Variants in VCL observed in about 807,000 individuals in gnomAD.
The protein encoded by VCL is epididymis luminal protein 114.
VCL carries 47 observed loss-of-function variants against 125.7 expected under a neutral mutation model. The ratio of observed to expected loss-of-function variants is 0.37; its 90% CI spans 0.30 to 0.48. The LOEUF is 0.48. VCL is among the 20% of genes least tolerant of loss of function. The probability of loss-of-function intolerance (pLI) is 0.99; values close to 1 mark genes in which losing one functional copy is unlikely to be tolerated. For missense variants in VCL, 1,069 were observed against 1,455.5 expected (o/e 0.73, Z 4.32); for synonymous variants, 458 against 514.6 (o/e 0.89, Z 1.49).
chr10:74,099,145 C>T (rs945217402), intron 13 of VCL, among the ~76,000 whole-genome samples: 3 of 152,202 alleles, frequency 2.0e-5, no homozygotes, highest in African/African-American at 7.2e-5. Flanking sequence ...AAAAATACAA[C>T]CTGACTCTGA....
intron 2 of VCL, among the ~76,000 whole-genome samples, chr10:74,068,942 T>G (rs1013446830): frequency 7.4e-6 from 1 of 135,006 alleles, no homozygotes; most frequent in South Asian, 2.1e-4. Flanking sequence ...ATATTTAAAA[T>G]AAAATTAAAA....
intron 2 of VCL, among the ~76,000 whole-genome samples, chr10:74,061,903 T>G (rs1841485353): frequency 7.9e-6 from 1 of 126,750 alleles, no homozygotes; most frequent in Non-Finnish European, 1.6e-5. Flanking sequence ...GGGTAACCAA[T>G]CTACTTTTTT....
intron 1 of VCL, among the ~76,000 whole-genome samples, chr10:74,011,904 A>C (rs543414594): frequency 6.6e-6 from 1 of 152,218 alleles, no homozygotes; most frequent in East Asian, 1.9e-4. Flanking sequence ...GTTAAGCTGC[A>C]GAAAATAGAG....
rs780455788 is a variant in VCL at position 74,101,068 on chromosome 10, G to C, written c.1993G>C (p.Val665Leu). 1 of 1,613,760 alleles carries C rather than the reference G, an allele frequency of 6.2e-7. No individual in the cohort carries two copies. The highest frequency in any genetic ancestry group is 1.7e-5 in the Admixed American group (1 of 59,988). ...AACAGTGGAAGGCATTCAGGCCTCAGTGAAGACGGCCCGAGAACTCACACC... is the reference window on the plus strand; with the variant it reads ...AACAGTGGAAGGCATTCAGGCCTCACTGAAGACGGCCCGAGAACTCACACC... The part of the protein sequence containing the change: ...KSTVEGIQAS[V>L]KTARELTPQV... Residue 665 changes from valine to leucine, a missense_variant, in exon 14 of 22, where the codon GTG becomes CTG. Physicochemically the swap from Val to Leu is conservative, Grantham distance 32. Coordinates refer to ENST00000211998, the MANE Select transcript of VCL (RefSeq NM_014000.3).
chr10:74,104,270 A>C (rs535950636), intron 15 of VCL, among the ~76,000 whole-genome samples: 6 of 152,346 alleles, frequency 3.9e-5, no homozygotes, highest in Non-Finnish European at 5.9e-5. Context: ...TTGTGGATAC[A>C]GTAAGTGTCC....
rs1840634148 is a variant in VCL, at chr10:74,020,151, G to A, written c.168+21776G>A. Among the ~76,000 whole-genome samples the A allele has an allele frequency of 2.0e-5, 3 of 152,262 alleles. No homozygotes were observed. The South Asian group carries it at 6.2e-4, about 32-fold the overall frequency. On this transcript the variant is annotated intron_variant, in intron 1 of 21. Coordinates refer to ENST00000211998, the MANE Select transcript of VCL (RefSeq NM_014000.3). ...TCTATTTTACAGGTAAGGAAACTAA[G>A]GCTGAAAGCATTTGAGTAACTTGTC... is the stretch of plus-strand genomic sequence containing the variant.
chr10:74,002,788 G>A (rs915301481), intron 1 of VCL, among the ~76,000 whole-genome samples: 5 of 151,060 alleles, frequency 3.3e-5, no homozygotes, highest in South Asian at 2.1e-4. Flanking sequence ...AGGCTGAGGC[G>A]GGAGAATCGC....
At chr10:74,051,890 G>A (rs1050921481) in intron 2 of VCL, among the ~76,000 whole-genome samples, 1 of 152,120 alleles carries the variant, frequency 6.6e-6, no homozygotes, top group African/African-American at 2.4e-5. Context: ...AAGCAGCAGT[G>A]TACAGCAGCA....
intron 2 of VCL, among the ~76,000 whole-genome samples, chr10:74,052,112 G>A (rs546083129): frequency 6.6e-6 from 1 of 152,288 alleles, no homozygotes; most frequent in East Asian, 1.9e-4. Context: ...GGGCAGTAAC[G>A]TCTGGGTGTT....
intron 1 of VCL, among the ~76,000 whole-genome samples, chr10:74,013,482 C>T (rs1185368242): frequency 1.3e-5 from 2 of 151,830 alleles, no homozygotes; most frequent in Non-Finnish European, 2.9e-5. Flanking sequence ...CCATCTTTGG[C>T]AAAATGTGGT....
At chr10:74,114,086 A>T in intron 19 of VCL, 98 bp from the exon 20 acceptor site, 1 of 1,420,050 alleles carries the variant, frequency 7.0e-7, no homozygotes. Flanking sequence ...AGGGATGCTA[A>T]GGTGGCAAGC....
In VCL at chr10:74,095,867, G is replaced by T; in HGVS notation, c.1743+12G>T. On this transcript the variant is annotated intron_variant, in intron 12 of 21. Transcript: ENST00000211998. ...AAGACTCCTTAAAGGTAGAAGTCAG[G>T]AGCACATATCATTTTACTTTTTATG... is the stretch of plus-strand genomic sequence containing the variant. The T allele has an allele frequency of 6.2e-7, 1 of 1,612,284 alleles. No individual in the cohort carries two copies.
intron 2 of VCL, among the ~76,000 whole-genome samples, chr10:74,056,257 T>A (rs1481816841): frequency 6.6e-6 from 1 of 151,604 alleles, no homozygotes; most frequent in Non-Finnish European, 1.5e-5. Context: ...GGGTTTGGTG[T>A]TTCCCTTGAA....
At chr10:74,010,398 T>C (rs1252555579) in intron 1 of VCL, among the ~76,000 whole-genome samples, 2 of 152,228 alleles carry the variant, frequency 1.3e-5, no homozygotes, top group African/African-American at 4.8e-5. Context: ...TTTATCATGC[T>C]GTGTCTTCAT....
At chr10:74,101,667 TG>T (rs1251896122) in intron 14 of VCL, among the ~76,000 whole-genome samples, 1 of 148,124 alleles carries the variant, frequency 6.8e-6, no homozygotes, top group Admixed American at 6.8e-5. Context: ...GCCATTCTCC[TG>T]CCTCAGCCTC....
chr10:74,113,471 C>G (rs547556943), intron 19 of VCL, among the ~76,000 whole-genome samples: 13 of 152,238 alleles, frequency 8.5e-5, no homozygotes, highest in African/African-American at 3.1e-4. Flanking sequence ...AGAATTGATT[C>G]TTTACCCTTT....
intron 1 of VCL, among the ~76,000 whole-genome samples, chr10:74,024,422 C>T (rs1840732728): frequency 6.6e-6 from 1 of 152,000 alleles, no homozygotes; most frequent in Non-Finnish European, 1.5e-5. Context: ...ACCAGCCTGG[C>T]CAACGTGGTG....
At chr10:74,027,290 C>T (rs1840789430) in intron 1 of VCL, among the ~76,000 whole-genome samples, 1 of 150,692 alleles carries the variant, frequency 6.6e-6, no homozygotes, top group South Asian at 2.1e-4. Context: ...CAATATTTAG[C>T]TTTCCGTTTT....
intron 19 of VCL, among the ~76,000 whole-genome samples, chr10:74,113,659 G>A (rs1354707005): frequency 6.6e-6 from 1 of 151,688 alleles, no homozygotes; most frequent in Non-Finnish European, 1.5e-5. Flanking sequence ...ACGCTTGGCT[G>A]CTATTTGCAA....
Sources: gnomAD v4.1 joint callset for allele counts (sites outside exome capture counted in the v4.1 genomes callset) on GRCh38, gnomAD v4.1.1 for gene constraint, MANE v1.5 for transcripts, NCBI Gene and HGNC (gene_info 2026-07-23, HGNC 2026-07-21) for gene names.